The following CLCN7 variants were observed in gnomAD, a reference collection of about 807,000 sequenced individuals.
CLCN7 encodes the protein Cl-/H+ antiporter 7.
In CLCN7, 60 loss-of-function variants were observed where a neutral mutation model predicts 102.1. That is an observed-to-expected ratio of 0.59 (90% CI 0.48 to 0.73). The LOEUF is 0.73. Ranked by LOEUF, CLCN7 falls within the 30% of genes least tolerant of loss-of-function variation. The pLI is 0.00. For synonymous variants in CLCN7, 560 were observed against 490.5 expected (o/e 1.14, Z -1.87); for missense variants, 962 against 1,125.7 (o/e 0.85, Z 2.08).
chr16:1,450,612 G>A lies in CLCN7; in HGVS notation c.1502C>T (p.Ala501Val). 1 of 1,612,704 alleles carries A rather than the reference G, an allele frequency of 6.2e-7. No homozygotes were observed. Among genetic ancestry groups the A allele is most frequent in the Non-Finnish European group, 8.5e-7 (1 of 1,179,784 alleles). Residue 501 changes from alanine (A) to valine (V), a missense_variant, in exon 17 of 25, where the codon GCC (alanine) becomes GTC (valine). Transcript: ENST00000382745. ...CACCGTGAGCCCGTAGGTCCAGCAG[G>A]CCAGGAAGAAGTAGACCAGCGTGAA... Reference protein sequence around the residue: ...GLFTLVYFFLACWTYGLTVSA... With the variant: ...GLFTLVYFFLVCWTYGLTVSA...
chr16:1,448,891 T>C (rs566569883), intron 19 of CLCN7, 75 bp downstream of exon 19: 2 of 1,603,506 alleles, frequency 1.2e-6, no homozygotes, highest in East Asian at 4.5e-5. Flanking sequence ...GACCGGCTGT[T>C]TGGAGGCTCA....
At position 1,457,785 on chromosome 16, in the gene CLCN7, G is replaced by C; in HGVS notation, c.676-29C>G. The C allele has an allele frequency of 1.2e-6, 2 of 1,605,684 alleles. No homozygotes were observed. The highest frequency in any genetic ancestry group is 1.1e-5 in the South Asian group (1 of 90,956). On this transcript the variant is annotated intron_variant, in intron 7 of 24. Coordinates refer to ENST00000382745, the MANE Select transcript of CLCN7 (RefSeq NM_001287.6). This position sits in a 1 kb window ranked among gnomAD's most constrained non-coding sequence, Gnocchi z 5.4. ...AAACACAGGGAGACGCATGGCCTCT[G>C]ATGAAAAGGCAGGCGCTGTCTTTGG...
intron 1 of CLCN7, among the ~76,000 whole-genome samples, chr16:1,473,160 C>G (rs1433093708): frequency 6.6e-6 from 1 of 151,890 alleles, no homozygotes; most frequent in East Asian, 1.9e-4. Context: ...CACCCATGGC[C>G]CCATCACTTC....
At chr16:1,449,648 GAC>G (rs376945188) in intron 17 of CLCN7, 39 of 474,694 alleles carry the variant, frequency 8.2e-5, no homozygotes, top group African/African-American at 7.6e-4. Context: ...CGGCACACAC[GAC>G]ACAGAGAGCC....
At chr16:1,448,286 G>A (rs1273033710) in intron 21 of CLCN7, 69 bp downstream of exon 21, 25 of 1,594,020 alleles carry the variant, frequency 1.6e-5, no homozygotes, top group Middle Eastern at 1.7e-4. Context: ...AAACCTTGCC[G>A]TGTGCTTCCC....
intron 1 of CLCN7, among the ~76,000 whole-genome samples, chr16:1,469,063 G>A (rs1000748555): frequency 1.5e-4 from 22 of 150,482 alleles, no homozygotes; most frequent in Admixed American, 9.3e-4. Flanking sequence ...AAAATTAGCC[G>A]GGCATGGTGG....
At chr16:1,447,202 C>T in intron 23 of CLCN7, 116 bp from the exon 24 acceptor site, 1 of 1,207,356 alleles carries the variant, frequency 8.3e-7, no homozygotes, top group Non-Finnish European at 1.2e-6. Flanking sequence ...CCTGAGCCCC[C>T]ACGCCCGTCT....
intron 2 of CLCN7, 79 bp from the exon 3 acceptor site, chr16:1,461,753 G>A (rs1401867772): frequency 1.6e-6 from 2 of 1,214,612 alleles, no homozygotes; most frequent in East Asian, 4.7e-5. Flanking sequence ...TCACACACGA[G>A]GCCATTATCA....
chr16:1,470,436 C>T lies in CLCN7; in HGVS notation c.141+4398G>A, dbSNP rs115069565. Among the ~76,000 whole-genome samples, 354 of 152,308 alleles carry T rather than the reference C, an allele frequency of 2.3e-3. 3 individuals carry two copies. The highest frequency in any genetic ancestry group is 7.8e-3 in the African/African-American group (325 of 41,556). The stretch of plus-strand genomic sequence containing the variant: ...AGGCCTCTGCCAGGACCAGGCTAGA[C>T]GCTAGGCACAGAGGATACAGCAGCT... On this transcript the variant is annotated intron_variant, in intron 1 of 24. Transcript: ENST00000382745.
intron 14 of CLCN7, 130 bp downstream of exon 14, chr16:1,453,704 A>G (rs2038789449): frequency 3.4e-6 from 3 of 875,408 alleles, no homozygotes; most frequent in Non-Finnish European, 5.7e-6. Context: ...ACCATCAGGA[A>G]GGACGCTGCA....
At position 1,474,892 on chromosome 16, in the gene CLCN7, G is replaced by A; in HGVS notation, c.83C>T (p.Ala28Val). The change falls in exon 1 of 25, where the codon GCG becomes GTG. Residue 28 changes from alanine (A) to valine (V), a missense_variant. Physicochemically the swap from Ala to Val is moderately conservative, Grantham distance 64 (BLOSUM62 0). Coordinates refer to ENST00000382745, the MANE Select transcript of CLCN7 (RefSeq NM_001287.6). ...CAGCGGCGTCCCCCCGCCGGGCCGC[G>A]CCGTCCTCCGCAGCAGCGGCGCCGC... is the stretch of plus-strand genomic sequence containing the variant. ...EEAAPLLRRT[A>V]RPGGGTPLLN... The A allele has an allele frequency of 6.9e-7, 1 of 1,455,154 alleles. No homozygotes were observed. The highest frequency in any genetic ancestry group is 9.0e-7 in the Non-Finnish European group (1 of 1,106,694). 90.1% of individuals were successfully genotyped at this position (1,455,154 alleles called of 1,614,324 possible).
intron 2 of CLCN7, among the ~76,000 whole-genome samples, chr16:1,464,593 C>T (rs953709120): frequency 6.6e-6 from 1 of 152,224 alleles, no homozygotes; most frequent in African/African-American, 2.4e-5. Context: ...GGCCGAAGAG[C>T]ACCCGGACAG....
intron 1 of CLCN7, among the ~76,000 whole-genome samples, chr16:1,469,898 G>A (rs1321343022): frequency 2.6e-5 from 4 of 152,172 alleles, no homozygotes; most frequent in Admixed American, 2.0e-4. Context: ...AATGACCACC[G>A]ACCCGTGCTG....
In CLCN7 at chr16:1,457,223, T is replaced by C; in HGVS notation, c.822+31A>G. 1 of 1,601,590 alleles carries C rather than the reference T, an allele frequency of 6.2e-7. No individual in the cohort carries two copies. Among genetic ancestry groups the C allele is most frequent in the South Asian group, 1.1e-5 (1 of 90,840 alleles). On this transcript the variant is annotated intron_variant, in intron 9 of 24. Coordinates refer to ENST00000382745, the MANE Select transcript of CLCN7 (RefSeq NM_001287.6). This position sits in a 1 kb window ranked among gnomAD's most constrained non-coding sequence, Gnocchi z 5.4. ...TGCCCGTGCCCGTGCCCATGGCATC[T>C]GGAGCCCACCCACACAAGATTTCAA...
Position 1,469,706 on chromosome 16 carries a change from A to C in CLCN7, c.142-4368T>G, listed in dbSNP as rs552217465. Among the ~76,000 whole-genome samples the C allele has an allele frequency of 1.5e-3, 231 of 152,258 alleles. 1 individual carries two copies. The highest frequency in any genetic ancestry group is 2.9e-3 in the Non-Finnish European group (195 of 68,010). ...GTCAAAAACAAAAACAAAAATAAAC[A>C]AAAAACCAAAAACCAAAAACAAACA... On this transcript the variant is annotated intron_variant, in intron 1 of 24. Transcript: ENST00000382745.
rs1407161291 is a variant in CLCN7, at chr16:1,447,482, G to A, written c.2160C>T (p.Pro720=). ...DFRDAYPRFP[P]IQSIHVSQDE... ...CCTGGGACACGTGGATGGACTGGATGGGTGGGAAGCGCGGGTAGGCGTCTC... is the reference window on the plus strand; with the variant it reads ...CCTGGGACACGTGGATGGACTGGATAGGTGGGAAGCGCGGGTAGGCGTCTC... Residue 720 remains proline (P), a synonymous_variant, in exon 23 of 25, where the codon CCC becomes CCT. Coordinates refer to ENST00000382745, the MANE Select transcript of CLCN7 (RefSeq NM_001287.6). The A allele has an allele frequency of 7.7e-6, 12 of 1,553,438 alleles. No individual in the cohort carries two copies. Among genetic ancestry groups the A allele is most frequent in the African/African-American group, 2.7e-5 (2 of 73,302 alleles).
chr16:1,453,202 G>A (rs1043325226), intron 14 of CLCN7, among the ~76,000 whole-genome samples: 1 of 151,986 alleles, frequency 6.6e-6, no homozygotes, highest in Non-Finnish European at 1.5e-5. Context: ...TAGTAGAGAC[G>A]GGGTTTCTCC....
At position 1,457,192 on chromosome 16, in the gene CLCN7, G is replaced by A; in HGVS notation, c.822+62C>T. The A allele has an allele frequency of 2.1e-6, 3 of 1,447,948 alleles. No homozygotes were observed. The highest frequency in any genetic ancestry group is 1.1e-5 in the South Asian group (1 of 87,616). 89.7% of individuals were successfully genotyped at this position (1,447,948 alleles called of 1,614,324 possible). A position where few individuals can be genotyped will look rare whatever the true frequency, so the allele number is the denominator to read the frequency against. Reference sequence around the variant, plus strand: ...GGTGCTGAGGGAAGCCCATCTCCCTGAGTGGTGCCCGTGCCCGTGCCCATG... The same window carrying A: ...GGTGCTGAGGGAAGCCCATCTCCCTAAGTGGTGCCCGTGCCCGTGCCCATG... On this transcript the variant is annotated intron_variant, in intron 9 of 24. Transcript: ENST00000382745. This position sits in a 1 kb window ranked among gnomAD's most constrained non-coding sequence, Gnocchi z 5.4.
Position 1,461,228 on chromosome 16 carries a change from C to T in CLCN7, c.351+177G>A, listed in dbSNP as rs113734547. Among the ~76,000 whole-genome samples, 791 of 152,362 alleles carry T rather than the reference C, an allele frequency of 5.2e-3. 9 individuals carry two copies. Among genetic ancestry groups the T allele is most frequent in the African/African-American group, 0.018 (748 of 41,582 alleles). On this transcript the variant is annotated intron_variant, in intron 4 of 24. Coordinates refer to ENST00000382745, the MANE Select transcript of CLCN7 (RefSeq NM_001287.6). ...GCCGTAAGAGCAGCCTTCTTGGTTA[C>T]GGTGACCGTGACCCTCCCACTGTCT...
Sources: allele counts gnomAD v4.1 joint callset (sites outside exome capture counted in the v4.1 genomes callset), GRCh38; gene constraint gnomAD v4.1.1; non-coding constraint Gnocchi (gnomAD v3.1); transcripts MANE v1.5; gene names NCBI Gene and HGNC (gene_info 2026-07-23, HGNC 2026-07-21).